The following SVOPL variants were observed in gnomAD, a reference collection of about 807,000 sequenced individuals.
The protein encoded by SVOPL is putative transporter SVOPL.
Under a neutral mutation model 61.0 loss-of-function variants are expected in SVOPL, and 60 were observed. The ratio of observed to expected loss-of-function variants is 0.98; its 90% CI spans 0.80 to 1.22. The LOEUF is 1.22. SVOPL is among the 50% of genes most tolerant of loss of function. The pLI is 0.00. For missense variants in SVOPL, 662 were observed against 643.9 expected (o/e 1.03, Z -0.30); for synonymous variants, 279 against 250.0 (o/e 1.12, Z -1.09).
At chr7:138,648,989 A>G (rs1584831952) in intron 8 of SVOPL, 23 bp downstream of exon 8, 9 of 1,613,478 alleles carry the variant, frequency 5.6e-6, no homozygotes, top group Non-Finnish European at 7.6e-6. Flanking sequence ...GGGGACAGGA[A>G]GGAGCCACAA....
chr7:138,669,447 C>A (rs1802361106), intron 4 of SVOPL, among the ~76,000 whole-genome samples: 1 of 152,116 alleles, frequency 6.6e-6, no homozygotes, highest in Non-Finnish European at 1.5e-5. Flanking sequence ...AAAGGGAACG[C>A]AATTATCTTA....
At chr7:138,678,833 G>T in intron 2 of SVOPL, 131 bp downstream of exon 2, 2 of 932,240 alleles carry the variant, frequency 2.1e-6, no homozygotes, top group South Asian at 1.7e-5. Flanking sequence ...GCCTCCCAAA[G>T]TGATGGGATT....
At chr7:138,661,579 T>A (rs1584851236) in intron 5 of SVOPL, 1 of 985,444 alleles carries the variant, frequency 1.0e-6, no homozygotes, top group African/African-American at 1.7e-5. Flanking sequence ...CCTAAAAGGT[T>A]ACCGCAAGTT....
rs988822274 is a variant in SVOPL at position 138,629,980 on chromosome 7, G to T, written c.863+69C>A. On this transcript the variant is annotated intron_variant, in intron 10 of 15. Transcript: ENST00000674285. Reference sequence around the variant, plus strand: ...TTTTCTCCCCAGTGGCACTCACATAGATTTACTTAAATAGGCTTCCTCCCA... The same window carrying T: ...TTTTCTCCCCAGTGGCACTCACATATATTTACTTAAATAGGCTTCCTCCCA... 7 of 1,305,850 alleles carry T rather than the reference G, an allele frequency of 5.4e-6. No homozygotes were observed. The African/African-American group carries it at 1.0e-4, about 19-fold the overall frequency. The allele number at this position is 1,305,850 out of a possible 1,614,324, so 80.9% of individuals were successfully genotyped here. A position where few individuals can be genotyped will look rare whatever the true frequency, so the allele number is the denominator to read the frequency against.
chr7:138,624,663 A>C (rs1799814932), intron 13 of SVOPL, among the ~76,000 whole-genome samples: 1 of 151,928 alleles, frequency 6.6e-6, no homozygotes, highest in East Asian at 1.9e-4. Flanking sequence ...TATGCTTTTA[A>C]ATTCTCTATT....
At chr7:138,632,457 TGTGAA>T (rs1046503953) in intron 9 of SVOPL, among the ~76,000 whole-genome samples, 1 of 123,832 alleles carries the variant, frequency 8.1e-6, no homozygotes, top group African/African-American at 5.6e-5. Flanking sequence ...GACAGATGAC[TGTGAA>T]GAAGATCACT....
intron 6 of SVOPL, among the ~76,000 whole-genome samples, chr7:138,658,558 C>T (rs1434476807): frequency 6.6e-5 from 10 of 152,092 alleles, no homozygotes; most frequent in African/African-American, 2.2e-4. Context: ...ATTACAGATG[C>T]GAGCCACCAC....
chr7:138,666,011 AAAAC>A (rs1163288749), intron 4 of SVOPL, among the ~76,000 whole-genome samples: 5 of 152,202 alleles, frequency 3.3e-5, no homozygotes, highest in Admixed American at 6.5e-5. Flanking sequence ...CACTGTCTCA[AAAAC>A]AAACAAAACA....
intron 15 of SVOPL, among the ~76,000 whole-genome samples, 188 bp downstream of exon 15, chr7:138,596,229 G>T: frequency 6.8e-6 from 1 of 147,590 alleles, no homozygotes; most frequent in East Asian, 2.0e-4. Flanking sequence ...GGGAAGGATA[G>T]AATCCTCAGG....
chr7:138,633,445 C>T (rs911325205), intron 9 of SVOPL, among the ~76,000 whole-genome samples: 1 of 152,116 alleles, frequency 6.6e-6, no homozygotes, highest in Non-Finnish European at 1.5e-5. Context: ...GCACCTCTCT[C>T]GCTCCTTCTC....
chr7:138,630,053 T>C lies in SVOPL; in HGVS notation c.859A>G (p.Ile287Val), dbSNP rs2116922556. 6.2e-7 allele frequency: 1 copy of C among 1,613,372 alleles called. No individual in the cohort carries two copies. Residue 287 changes from isoleucine (I) to valine (V), a missense_variant, in exon 10 of 16, where the codon ATA (isoleucine) becomes GTA (valine). By Grantham distance (29) the Ile-to-Val change is conservative (BLOSUM62 3). Transcript: ENST00000674285. ...TTGAAATCATTACACTCTTACCATA[T>C]GACCCAGATCTGTAATGTGGTCCGT... Reference protein sequence around the residue: ...YLRTTLQIWVIWLGISFAYYG... With the variant: ...YLRTTLQIWVVWLGISFAYYG...
chr7:138,685,869 C>CA (rs34613824), intron 1 of SVOPL, among the ~76,000 whole-genome samples: 70 of 139,070 alleles, frequency 5.0e-4, no homozygotes, highest in East Asian at 2.6e-3. Context: ...AAGACTGTCT[C>CA]AAAAAAAAAA....
chr7:138,602,540 C>T (rs1321301226), intron 14 of SVOPL, among the ~76,000 whole-genome samples: 2 of 151,344 alleles, frequency 1.3e-5, no homozygotes, highest in South Asian at 2.1e-4. Context: ...TAGCTATATG[C>T]TGTAAAGAGG....
At chr7:138,672,656 TAAAAAAAA>T (rs35593361) in intron 3 of SVOPL, among the ~76,000 whole-genome samples, 1 of 118,858 alleles carries the variant, frequency 8.4e-6, no homozygotes, top group Non-Finnish European at 1.7e-5. Flanking sequence ...TTTTTGTGTT[TAAAAAAAA>T]AAAAAAAAAA....
intron 14 of SVOPL, among the ~76,000 whole-genome samples, chr7:138,598,721 A>G (rs1177424917): frequency 2.0e-5 from 3 of 152,252 alleles, no homozygotes; most frequent in Non-Finnish European, 4.4e-5. Context: ...AAAATTAAAA[A>G]TACATGGAAT....
At chr7:138,627,061 C>A (rs1378379531) in intron 12 of SVOPL, among the ~76,000 whole-genome samples, 2 of 152,088 alleles carry the variant, frequency 1.3e-5, no homozygotes, top group Non-Finnish European at 2.9e-5. Flanking sequence ...ACCAGAGTCC[C>A]GATTCTCCAG....
At chr7:138,664,184 T>TG in intron 4 of SVOPL, 11 of 570,028 alleles carry the variant, frequency 1.9e-5, no homozygotes, top group Non-Finnish European at 2.1e-5. Context: ...CACCCTACCC[T>TG]GCCCTCCCCC....
intron 3 of SVOPL, among the ~76,000 whole-genome samples, chr7:138,676,187 A>G (rs1047662498): frequency 1.3e-5 from 2 of 152,162 alleles, no homozygotes; most frequent in South Asian, 4.2e-4. Flanking sequence ...AAGCGGGAGT[A>G]GTGGTGTGGG....
intron 4 of SVOPL, 86 bp from the exon 5 acceptor site, chr7:138,663,231 C>G: frequency 6.4e-7 from 1 of 1,553,974 alleles, no homozygotes. Flanking sequence ...TAGAAGTAGG[C>G]TGGAAATACG....
Sources: allele counts gnomAD v4.1 joint callset (sites outside exome capture counted in the v4.1 genomes callset), GRCh38; gene constraint gnomAD v4.1.1; transcripts MANE v1.5; gene names NCBI Gene and HGNC (gene_info 2026-07-23, HGNC 2026-07-21).